Variants in OCA2 observed in about 807,000 individuals in gnomAD.
OCA2 encodes the protein P protein.
A neutral mutation model predicts 100.2 loss-of-function variants in OCA2; 77 were observed. The observed-to-expected ratio is 0.77, with a 90% CI of 0.64 to 0.93. OCA2 has a LOEUF of 0.93. Among genes scored for constraint, OCA2 ranks in the 40% least tolerant of loss-of-function variants. The probability of loss-of-function intolerance (pLI) is 0.00; values close to 1 mark genes in which losing one functional copy is unlikely to be tolerated. For synonymous variants in OCA2, 432 were observed against 439.2 expected (o/e 0.98, Z 0.21); for missense variants, 1,062 against 1,089.1 (o/e 0.98, Z 0.35).
At chr15:27,887,168 G>A (rs923721244) in intron 19 of OCA2, among the ~76,000 whole-genome samples, 14 of 152,230 alleles carry the variant, frequency 9.2e-5, no homozygotes, top group Non-Finnish European at 1.9e-4. Flanking sequence ...CCCCAGCCAT[G>A]TTGACCTGTA....
At chr15:27,898,722 T>C (rs1295360365) in intron 19 of OCA2, among the ~76,000 whole-genome samples, 1 of 152,222 alleles carries the variant, frequency 6.6e-6, no homozygotes, top group African/African-American at 2.4e-5. Context: ...ATTCTTTACA[T>C]TGTTGTGACT....
chr15:27,867,051 C>CA (rs979450640), intron 21 of OCA2, among the ~76,000 whole-genome samples: 1 of 152,252 alleles, frequency 6.6e-6, no homozygotes, highest in African/African-American at 2.4e-5. Flanking sequence ...AGCCGCCCCC[C>CA]ATTCCCAGTG....
At chr15:28,074,441 G>A (rs1353550942) in intron 2 of OCA2, among the ~76,000 whole-genome samples, 4 of 152,030 alleles carry the variant, frequency 2.6e-5, no homozygotes, top group African/African-American at 7.2e-5. Flanking sequence ...TTGGGAGGCC[G>A]AGGCGGGCGG....
intron 23 of OCA2, among the ~76,000 whole-genome samples, chr15:27,789,208 T>TTTTTTGG (rs2032964606): frequency 1.4e-5 from 1 of 73,070 alleles, no homozygotes; most frequent in African/African-American, 5.2e-5. Flanking sequence ...TTTTTTTTTC[T>TTTTTTGG]GGGCGGGGGG....
At chr15:27,896,389 C>T in intron 19 of OCA2, 1 of 738,466 alleles carries the variant, frequency 1.4e-6, no homozygotes, top group Non-Finnish European at 2.5e-6. Flanking sequence ...AGTGTAACTC[C>T]AGACATGATG....
chr15:27,925,830 T>C (rs1283483555), intron 19 of OCA2, among the ~76,000 whole-genome samples: 1 of 152,198 alleles, frequency 6.6e-6, no homozygotes, highest in African/African-American at 2.4e-5. Context: ...TTATAAGTAA[T>C]TTAGCTCCAA....
At chr15:28,064,764 T>A (rs1390608570) in intron 2 of OCA2, among the ~76,000 whole-genome samples, 5 of 150,516 alleles carry the variant, frequency 3.3e-5, no homozygotes, top group African/African-American at 4.8e-5. Flanking sequence ...TTTCAGGAGG[T>A]ATTAATATGA....
intron 9 of OCA2, among the ~76,000 whole-genome samples, chr15:28,004,267 C>T (rs1325413197): frequency 6.7e-6 from 1 of 148,528 alleles, no homozygotes; most frequent in African/African-American, 2.6e-5. Context: ...CTCTCAGCCC[C>T]CCTGCTAGGC....
chr15:27,801,329 A>AAGTG (rs2033596274), intron 23 of OCA2, among the ~76,000 whole-genome samples: 1 of 152,184 alleles, frequency 6.6e-6, no homozygotes, highest in South Asian at 2.1e-4. Flanking sequence ...CAAGGTGGGC[A>AAGTG]GATCACGAGG....
chr15:27,803,754 TACC>T (rs1490024271), intron 23 of OCA2, among the ~76,000 whole-genome samples: 2 of 152,204 alleles, frequency 1.3e-5, no homozygotes, highest in Non-Finnish European at 2.9e-5. Flanking sequence ...ATATGTATTT[TACC>T]ACAATTAAAA....
intron 23 of OCA2, among the ~76,000 whole-genome samples, chr15:27,832,015 G>T (rs1447983338): frequency 6.8e-6 from 1 of 147,608 alleles, no homozygotes. Flanking sequence ...ACCACCCCCT[G>T]CTCCGTCAGA....
chr15:27,989,326 A>ATT (rs1488513545), intron 11 of OCA2, among the ~76,000 whole-genome samples: 1 of 145,818 alleles, frequency 6.9e-6, no homozygotes. Flanking sequence ...CATTTTTTTT[A>ATT]TTTTAACGGA....
At chr15:27,865,434 G>A (rs1048918648) in intron 21 of OCA2, among the ~76,000 whole-genome samples, 1 of 152,260 alleles carries the variant, frequency 6.6e-6, no homozygotes, top group Non-Finnish European at 1.5e-5. Context: ...CTGGCGAGGA[G>A]GCAGGGAAGG....
Position 28,018,325 on chromosome 15 carries a change from A to G in OCA2, c.807+72T>C, listed in dbSNP as rs915807543. The G allele has an allele frequency of 2.0e-6, 3 of 1,490,198 alleles. No individual in the cohort carries two copies. In the African/African-American group the frequency reaches 4.1e-5, roughly 21 times the overall value. 92.3% of individuals were successfully genotyped at this position (1,490,198 alleles called of 1,614,324 possible). On this transcript the variant is annotated intron_variant, in intron 7 of 23. Transcript: ENST00000354638. ...CTGTGGCTCCCCATCAAATCCATTC[A>G]AGAGGAAACACAATTTATTATGAGA...
At chr15:27,959,404 T>G (rs2040336897) in intron 15 of OCA2, among the ~76,000 whole-genome samples, 1 of 152,116 alleles carries the variant, frequency 6.6e-6, no homozygotes, top group South Asian at 2.1e-4. Context: ...ATGAACTCAC[T>G]CTCTGAAACA....
At position 27,895,300 on chromosome 15, in the gene OCA2, A is replaced by G. The variant is rs145274809; in HGVS notation, c.2080-23378T>C. ...AATACAGTAAATTGGTACCAGCAGA[A>G]TGGGGCATTGCTGAAAAGATAGCCG... On this transcript the variant is annotated intron_variant, in intron 19 of 23. Transcript: ENST00000354638. 2.7e-3 allele frequency among the ~76,000 whole-genome samples: 410 copies of G among 152,274 alleles called. 2 individuals are homozygous for G. Among genetic ancestry groups the G allele is most frequent in the African/African-American group, 9.5e-3 (396 of 41,568 alleles).
chr15:27,984,883 T>C (rs1223059231), intron 13 of OCA2, among the ~76,000 whole-genome samples, 181 bp downstream of exon 13: 1 of 152,170 alleles, frequency 6.6e-6, no homozygotes, highest in Non-Finnish European at 1.5e-5. Context: ...CCACTGCTTG[T>C]AGCATGTACT....
intron 14 of OCA2, among the ~76,000 whole-genome samples, chr15:27,980,705 G>A (rs577592478): frequency 4.6e-5 from 7 of 152,250 alleles, no homozygotes; most frequent in Admixed American, 1.3e-4. Flanking sequence ...GTATTGCTCC[G>A]TTGCCTTCAC....
At chr15:27,880,745 A>G (rs1475206457) in intron 19 of OCA2, among the ~76,000 whole-genome samples, 1 of 152,158 alleles carries the variant, frequency 6.6e-6, no homozygotes, top group East Asian at 1.9e-4. Flanking sequence ...TTATCAGCTA[A>G]AGGAGCTTTT....
Sources: allele counts gnomAD v4.1 joint callset (sites outside exome capture counted in the v4.1 genomes callset), GRCh38; gene constraint gnomAD v4.1.1; transcripts MANE v1.5; gene names NCBI Gene and HGNC (gene_info 2026-07-23, HGNC 2026-07-21).